The following TSPAN12 variants were observed in gnomAD, a reference collection of about 807,000 sequenced individuals.
TSPAN12 encodes the protein tetraspanin 12, also known as tetraspanin-12.
Under a neutral mutation model 39.2 loss-of-function variants are expected in TSPAN12, and 19 were observed. That is an observed-to-expected ratio of 0.49 (90% CI 0.34 to 0.71). The LOEUF (loss-of-function observed/expected upper bound fraction) is 0.71, where lower values mean the gene tolerates loss of function less well. Among genes scored for constraint, TSPAN12 ranks in the 30% least tolerant of loss-of-function variants. TSPAN12 has a pLI of 0.01. For missense variants in TSPAN12, 314 were observed against 359.9 expected, an observed-to-expected ratio of 0.87 and a Z score of 1.03; for synonymous variants, 119 against 124.8, an observed-to-expected ratio of 0.95 and a Z score of 0.31.
At chr7:120,823,491 C>A (rs575175271) in intron 4 of TSPAN12, among the ~76,000 whole-genome samples, 1 of 152,132 alleles carries the variant, frequency 6.6e-6, no homozygotes, top group Admixed American at 6.5e-5. Flanking sequence ...CTTTATCAGA[C>A]CCAGCTGTAA....
intron 4 of TSPAN12, among the ~76,000 whole-genome samples, chr7:120,826,581 A>G (rs1428171096): frequency 6.6e-6 from 1 of 152,164 alleles, no homozygotes; most frequent in Non-Finnish European, 1.5e-5. Context: ...GAGCCTTAGC[A>G]ATATCTCAAG....
intron 4 of TSPAN12, among the ~76,000 whole-genome samples, chr7:120,836,946 C>G (rs940771587): frequency 6.6e-6 from 1 of 152,146 alleles, no homozygotes; most frequent in Non-Finnish European, 1.5e-5. Context: ...CCCTACTTGC[C>G]CTGCCTCCCT....
rs141861082 is a variant in TSPAN12 at position 120,828,888 on chromosome 7, A to T, written c.285+9889T>A. Among the ~76,000 whole-genome samples the T allele has an allele frequency of 3.3e-3, 496 of 152,160 alleles. 4 individuals are homozygous for T. The highest frequency in any genetic ancestry group is 0.011 in the African/African-American group (470 of 41,550). Reference sequence around the variant, plus strand: ...AATGATTCATATTCTACTTAATTAGAAATTATTTTTAAGTTGCTATCATTT... The same window carrying T: ...AATGATTCATATTCTACTTAATTAGTAATTATTTTTAAGTTGCTATCATTT... On this transcript the variant is annotated intron_variant, in intron 4 of 7. Coordinates refer to ENST00000222747, the MANE Select transcript of TSPAN12 (RefSeq NM_012338.4).
intron 4 of TSPAN12, among the ~76,000 whole-genome samples, chr7:120,816,224 T>C (rs1213943553): frequency 6.6e-6 from 1 of 151,852 alleles, no homozygotes; most frequent in African/African-American, 2.4e-5. Context: ...GGTTGGGGGG[T>C]TTCCTTTGCA....
intron 4 of TSPAN12, among the ~76,000 whole-genome samples, chr7:120,834,388 G>C (rs75876416): frequency 0.021 from 3,163 of 152,170 alleles, 109 homozygotes; most frequent in African/African-American, 0.071. Flanking sequence ...CATGACCAAG[G>C]TTTCTCAGAA....
At chr7:120,843,922 T>G (rs1363889219) in intron 2 of TSPAN12, among the ~76,000 whole-genome samples, 2 of 152,196 alleles carry the variant, frequency 1.3e-5, no homozygotes, top group African/African-American at 4.8e-5. Flanking sequence ...TATTAGTCCA[T>G]TCTCACACTG....
At chr7:120,837,673 C>T (rs573574398) in intron 4 of TSPAN12, among the ~76,000 whole-genome samples, 1 of 152,310 alleles carries the variant, frequency 6.6e-6, no homozygotes, top group Admixed American at 6.5e-5. Context: ...AACAGTTACC[C>T]TCCAAGAAGC....
chr7:120,799,920 ATATT>A (rs1164159267), intron 7 of TSPAN12, among the ~76,000 whole-genome samples: 2 of 143,950 alleles, frequency 1.4e-5, no homozygotes, highest in Non-Finnish European at 3.0e-5. Context: ...ATTATATTAA[ATATT>A]TATTATAATA....
At chr7:120,795,839 A>G (rs961174282) in intron 7 of TSPAN12, among the ~76,000 whole-genome samples, 2 of 152,238 alleles carry the variant, frequency 1.3e-5, no homozygotes, top group South Asian at 4.1e-4. Context: ...TAAAAAAAGC[A>G]GCAAGCAATA....
chr7:120,826,142 TCC>T (rs770086009), intron 4 of TSPAN12, among the ~76,000 whole-genome samples: 2 of 152,314 alleles, frequency 1.3e-5, no homozygotes, highest in Admixed American at 6.5e-5. Context: ...CTTAATTTAC[TCC>T]CCTTTTCAAT....
intron 3 of TSPAN12, 79 bp downstream of exon 3, chr7:120,839,948 G>A: frequency 8.6e-7 from 1 of 1,161,378 alleles, no homozygotes; most frequent in Non-Finnish European, 1.3e-6. Context: ...TCAAGGAAGA[G>A]CACTACCATA....
At chr7:120,837,315 A>T (rs796558900) in intron 4 of TSPAN12, among the ~76,000 whole-genome samples, 1,567 of 141,050 alleles carry the variant, frequency 0.011, 17 homozygotes, top group Admixed American at 0.033. Flanking sequence ...TCATTTATTT[A>T]TTTTTTTTTT....
chr7:120,813,011 C>T (rs1026415392), intron 5 of TSPAN12, among the ~76,000 whole-genome samples: 6 of 152,124 alleles, frequency 3.9e-5, no homozygotes, highest in African/African-American at 1.2e-4. Flanking sequence ...ATTGTGACCA[C>T]TATCAATCTG....
intron 7 of TSPAN12, among the ~76,000 whole-genome samples, chr7:120,790,119 C>A (rs1793493095): frequency 6.6e-6 from 1 of 152,156 alleles, no homozygotes; most frequent in South Asian, 2.1e-4. Context: ...ACCCTCTCTG[C>A]AGGAGAGAGT....
intron 2 of TSPAN12, among the ~76,000 whole-genome samples, chr7:120,841,596 T>C (rs1251836655): frequency 2.0e-5 from 3 of 149,692 alleles, no homozygotes; most frequent in Non-Finnish European, 3.0e-5. Context: ...TTGGAAATAT[T>C]AAGAAACTAC....
At chr7:120,814,325 C>T in intron 5 of TSPAN12, 1 of 453,172 alleles carries the variant, frequency 2.2e-6, no homozygotes. Flanking sequence ...CACCAGGGAA[C>T]TTGTCACAGA....
intron 2 of TSPAN12, among the ~76,000 whole-genome samples, chr7:120,845,914 T>C (rs1198124228): frequency 6.6e-6 from 1 of 152,210 alleles, no homozygotes; most frequent in Non-Finnish European, 1.5e-5. Flanking sequence ...ATACCAATTT[T>C]CTGTATTAGC....
At chr7:120,844,509 A>T (rs1274356271) in intron 2 of TSPAN12, among the ~76,000 whole-genome samples, 3 of 152,198 alleles carry the variant, frequency 2.0e-5, no homozygotes, top group Non-Finnish European at 2.9e-5. Flanking sequence ...GCATTCACTA[A>T]ACAGTACCAT....
At chr7:120,823,168 AG>A (rs1562946106) in intron 4 of TSPAN12, among the ~76,000 whole-genome samples, 1 of 152,074 alleles carries the variant, frequency 6.6e-6, no homozygotes, top group Non-Finnish European at 1.5e-5. Context: ...CAGGAAACAG[AG>A]GGTCTAAAAT....
Sources: gnomAD v4.1 joint callset for allele counts (sites outside exome capture counted in the v4.1 genomes callset) on GRCh38, gnomAD v4.1.1 for gene constraint, MANE v1.5 for transcripts, NCBI Gene and HGNC (gene_info 2026-07-23, HGNC 2026-07-21) for gene names.